ALB: variants seen among roughly 807,000 people sequenced by gnomAD.
ALB encodes serum albumin.
A neutral mutation model predicts 74.5 loss-of-function variants in ALB; 37 were observed. The ratio of observed to expected loss-of-function variants is 0.50; its 90% CI spans 0.38 to 0.65. ALB has a LOEUF of 0.65. Among genes scored for constraint, ALB ranks in the 30% least tolerant of loss-of-function variants. The pLI is 0.00. For missense variants in ALB, 685 were observed against 718.7 expected (o/e 0.95, Z 0.54); for synonymous variants, 249 against 251.6 (o/e 0.99, Z 0.10).
chr4:73,410,456 A>G (rs769813944), intron 6 of ALB, 47 bp downstream of exon 6: 2 of 1,326,004 alleles, frequency 1.5e-6, no homozygotes, highest in Admixed American at 1.7e-5. Flanking sequence ...GATGTAAATG[A>G]TAATGCTTCA....
intron 5 of ALB, among the ~76,000 whole-genome samples, 171 bp downstream of exon 5, chr4:73,409,658 G>A (rs147152388): frequency 4.7e-4 from 72 of 152,102 alleles, no homozygotes; most frequent in South Asian, 1.2e-3. Flanking sequence ...CTACACTCTC[G>A]TTTCTTCTTT....
In ALB at chr4:73,413,642, G is replaced by T; in HGVS notation, c.1058+8G>T. 6.2e-7 allele frequency: 1 copy of T among 1,613,472 alleles called. No homozygotes were observed. The highest frequency in any genetic ancestry group is 8.5e-7 in the Non-Finnish European group (1 of 1,179,508). On this transcript the variant is annotated splice_region_variant and intron_variant, in intron 8 of 14. Transcript: ENST00000295897. ...GGATGTCTTCCTGGGCATGTAAGTA[G>T]ATAAGAAATTATTCTTTTATAGCTT...
intron 2 of ALB, among the ~76,000 whole-genome samples, chr4:73,405,630 G>A (rs1442725859): frequency 2.0e-5 from 3 of 150,420 alleles, no homozygotes; most frequent in Admixed American, 1.3e-4. Flanking sequence ...TCGCTCTGTC[G>A]CCCAGGCTGG....
At chr4:73,416,375 AT>A (rs35807836) in intron 10 of ALB, 22 bp downstream of exon 10, 183 of 1,521,126 alleles carry the variant, frequency 1.2e-4, no homozygotes, top group Admixed American at 7.2e-4. Flanking sequence ...TTATTGACTG[AT>A]TTTTTTTATC....
intron 2 of ALB, among the ~76,000 whole-genome samples, chr4:73,406,024 G>C (rs1477392822): frequency 1.3e-5 from 2 of 152,172 alleles, no homozygotes; most frequent in Non-Finnish European, 2.9e-5. Flanking sequence ...CACTTTGGAA[G>C]GCTGATGCAG....
intron 13 of ALB, 131 bp from the exon 14 acceptor site, chr4:73,420,123 G>C: frequency 1.2e-6 from 1 of 826,296 alleles, no homozygotes; most frequent in South Asian, 1.6e-5. Flanking sequence ...GATTATAGTA[G>C]TAAATTGTAA....
intron 4 of ALB, 189 bp downstream of exon 4, chr4:73,408,994 A>G (rs1003109584): frequency 8.1e-6 from 5 of 614,076 alleles, no homozygotes; most frequent in Non-Finnish European, 1.4e-5. Flanking sequence ...ATGATCAAAG[A>G]TATTTTGAAG....
chr4:73,420,745 A>G (rs1719122354), intron 14 of ALB: 1 of 288,448 alleles, frequency 3.5e-6, no homozygotes, highest in Non-Finnish European at 6.5e-6. Flanking sequence ...AATATCAGTG[A>G]TTTCACATGG....
At chr4:73,420,164 T>G (rs1361089187) in intron 13 of ALB, 90 bp from the exon 14 acceptor site, 2 of 1,148,432 alleles carry the variant, frequency 1.7e-6, no homozygotes, top group Non-Finnish European at 2.6e-6. Context: ...GAAATCACTT[T>G]GCAATCATCA....
intron 12 of ALB, chr4:73,419,188 A>C: frequency 1.3e-5 from 3 of 230,780 alleles, no homozygotes; most frequent in Non-Finnish European, 2.6e-5. Flanking sequence ...AATAATATAT[A>C]ATTGCAATGA....
intron 7 of ALB, among the ~76,000 whole-genome samples, chr4:73,412,637 G>C (rs1718908629): frequency 6.6e-6 from 1 of 151,962 alleles, no homozygotes; most frequent in African/African-American, 2.4e-5. Context: ...TAGAGGCGGG[G>C]TTTCACCATA....
At chr4:73,420,703 T>C (rs1319435562) in intron 14 of ALB, 3 of 271,802 alleles carry the variant, frequency 1.1e-5, no homozygotes, top group Non-Finnish European at 2.1e-5. Context: ...CTGAACCACA[T>C]GAAAGAGTGC....
At chr4:73,407,707 G>C (rs1718768112) in intron 3 of ALB, among the ~76,000 whole-genome samples, 1 of 152,118 alleles carries the variant, frequency 6.6e-6, no homozygotes, top group African/African-American at 2.4e-5. Context: ...AGATATCTTT[G>C]TATTTCTACA....
At chr4:73,411,127 C>T (rs1718864032) in intron 6 of ALB, among the ~76,000 whole-genome samples, 1 of 152,076 alleles carries the variant, frequency 6.6e-6, no homozygotes, top group African/African-American at 2.4e-5. Context: ...ATCAACACAA[C>T]AGGAAATAAA....
At chr4:73,417,430 A>G (rs1719039067) in intron 10 of ALB, 101 bp from the exon 11 acceptor site, 1 of 1,422,476 alleles carries the variant, frequency 7.0e-7, no homozygotes. Context: ...TGAATGGAAC[A>G]TAGCAACATC....
At chr4:73,412,444 G>T (rs1404146225) in intron 7 of ALB, among the ~76,000 whole-genome samples, 2 of 151,850 alleles carry the variant, frequency 1.3e-5, no homozygotes, top group African/African-American at 4.8e-5. Context: ...TGTCTAAGAA[G>T]ATTTTTTTTT....
intron 9 of ALB, 51 bp from the exon 10 acceptor site, chr4:73,416,205 G>T: frequency 6.8e-7 from 1 of 1,474,910 alleles, no homozygotes; most frequent in Non-Finnish European, 9.5e-7. Flanking sequence ...AAAACAACCT[G>T]CATCTGATCC....
chr4:73,414,873 T>C (rs1176296380), intron 8 of ALB, among the ~76,000 whole-genome samples, 162 bp from the exon 9 acceptor site: 2 of 152,222 alleles, frequency 1.3e-5, no homozygotes, highest in African/African-American at 2.4e-5. Context: ...TGAGCCTTGG[T>C]AACTTTAACT....
In ALB at chr4:73,413,408, A is replaced by G; in HGVS notation, c.844-12A>G. 6.2e-7 allele frequency: 1 copy of G among 1,608,394 alleles called. No individual in the cohort carries two copies. ...AATTCGTGTTGAACAATTTCCACCA[A>G]CTTACTTATAGGCGGACCTTGCCAA... On this transcript the variant is annotated splice_polypyrimidine_tract_variant and intron_variant, in intron 7 of 14. Coordinates refer to ENST00000295897, the MANE Select transcript of ALB (RefSeq NM_000477.7).
Sources: allele counts gnomAD v4.1 joint callset (sites outside exome capture counted in the v4.1 genomes callset), GRCh38; gene constraint gnomAD v4.1.1; transcripts MANE v1.5; gene names NCBI Gene and HGNC (gene_info 2026-07-23, HGNC 2026-07-21).